The following MBNL3 variants were observed in gnomAD, a reference collection of about 807,000 sequenced individuals.
MBNL3 encodes the protein muscleblind-like protein 3.
MBNL3 carries 6 observed loss-of-function variants against 24.5 expected under a neutral mutation model. The observed-to-expected ratio is 0.25, with a 90% CI of 0.13 to 0.48. The LOEUF is 0.48. Ranked by LOEUF, MBNL3 falls within the 20% of genes least tolerant of loss-of-function variation. The pLI, the probability that MBNL3 is intolerant of heterozygous loss-of-function variation, is 0.99. For synonymous variants in MBNL3, 100 were observed against 101.7 expected, an observed-to-expected ratio of 0.98 and a Z score of 0.10; for missense variants, 230 against 293.5, an observed-to-expected ratio of 0.78 and a Z score of 1.58.
intron 2 of MBNL3, among the ~76,000 whole-genome samples, chrX:132,417,444 G>GA (rs1438536221): frequency 9.0e-6 from 1 of 111,249 alleles, no homozygotes; most frequent in Non-Finnish European, 1.9e-5. Context: ...CCCAAAACAA[G>GA]AAAAAAATAA....
chrX:132,396,784 T>TCATATATACATATATATATA (rs1162209036), intron 3 of MBNL3, among the ~76,000 whole-genome samples: 2 of 31,169 alleles, frequency 6.4e-5, no homozygotes, highest in East Asian at 1.5e-3. Context: ...ATATATATAT[T>TCATATATACATATATATATA]CATATATATA....
rs1933462538 is a variant in MBNL3 at position 132,369,886 on chromosome X, A to G, written c.*9780T>C. The G allele has an allele frequency of 1.8e-5, 2 of 112,057 alleles. No homozygotes were observed. 9.2% of individuals were successfully genotyped at this position (112,057 alleles called of 1,213,427 possible). A position where few individuals can be genotyped will look rare whatever the true frequency, so the allele number is the denominator to read the frequency against. ...CTGTGTTCTTTCCATGCACAACAGA[A>G]AAATGCTGGGCTGCACTGGCCAGAA... On this transcript the variant is annotated 3_prime_UTR_variant, in exon 9 of 9. Transcript: ENST00000370853.
intron 2 of MBNL3, among the ~76,000 whole-genome samples, chrX:132,415,073 A>C (rs1262784282): frequency 8.9e-6 from 1 of 112,010 alleles, no homozygotes; most frequent in East Asian, 2.8e-4. Flanking sequence ...TTCTGAAATA[A>C]GAACGTCAAG....
intron 1 of MBNL3, among the ~76,000 whole-genome samples, chrX:132,442,918 G>A (rs1945463743): frequency 8.9e-6 from 1 of 111,851 alleles, no homozygotes; most frequent in South Asian, 3.7e-4. Context: ...CGCAAAGATG[G>A]GGAGAAGTTC....
chrX:132,421,971 TTAAA>T (rs1421344908), intron 2 of MBNL3, among the ~76,000 whole-genome samples: 2 of 111,986 alleles, frequency 1.8e-5, no homozygotes, highest in African/African-American at 6.5e-5. Context: ...TAAATATCAT[TTAAA>T]TAAATTGGTA....
chrX:132,420,431 G>A (rs1482343076), intron 2 of MBNL3, among the ~76,000 whole-genome samples: 1 of 111,135 alleles, frequency 9.0e-6, no homozygotes, highest in Non-Finnish European at 1.9e-5. Context: ...GCAGTAGCAA[G>A]ATTTAATAGA....
chrX:132,432,679 T>C lies in MBNL3; in HGVS notation c.177+6756A>G, dbSNP rs1167690440. 3 of 111,966 alleles carry C rather than the reference T, an allele frequency of 2.7e-5. No homozygotes were observed. In the East Asian group the frequency reaches 8.3e-4, roughly 31 times the overall value. The allele number at this position is 111,966 out of a possible 1,213,427, so 9.2% of individuals were successfully genotyped here. ...GTAGCATGGATCAGTACTTTGTTCC[T>C]TTTTGTAGCTGAGTAATATTACATT... is the stretch of plus-strand genomic sequence containing the variant. On this transcript the variant is annotated intron_variant, in intron 2 of 8. Coordinates refer to ENST00000370853, the MANE Select transcript of MBNL3 (RefSeq NM_001386889.1).
In MBNL3 at chrX:132,374,350, G is replaced by T. The variant is rs889751883; in HGVS notation, c.*5316C>A. The stretch of plus-strand genomic sequence containing the variant: ...TTTATAGGGGGGATTAATTTAAAAA[G>T]CAAACAATCTTTGCTAATGATCTTG... On this transcript the variant is annotated 3_prime_UTR_variant, in exon 9 of 9. Coordinates refer to ENST00000370853, the MANE Select transcript of MBNL3 (RefSeq NM_001386889.1). 9.1e-6 allele frequency: 1 copy of T among 110,313 alleles called. No individual in the cohort carries two copies. Among genetic ancestry groups the T allele is most frequent in the African/African-American group, 3.3e-5 (1 of 30,327 alleles). The allele number at this position is 110,313 out of a possible 1,213,427, so 9.1% of individuals were successfully genotyped here.
chrX:132,395,511 G>C (rs1937997444), intron 3 of MBNL3, among the ~76,000 whole-genome samples: 1 of 111,438 alleles, frequency 9.0e-6, no homozygotes, highest in Admixed American at 9.6e-5. Flanking sequence ...CCCATAACCA[G>C]GTGTAAATTT....
At chrX:132,487,928 G>GT (rs1948092306) in intron 1 of MBNL3, among the ~76,000 whole-genome samples, 2 of 111,716 alleles carry the variant, frequency 1.8e-5, no homozygotes, top group African/African-American at 6.5e-5. Flanking sequence ...CCAACAATCT[G>GT]TTTTCCAAAC....
At chrX:132,393,673 TGTA>T (rs1937542805) in intron 3 of MBNL3, among the ~76,000 whole-genome samples, 1 of 111,515 alleles carries the variant, frequency 9.0e-6, no homozygotes, top group Admixed American at 9.6e-5. Flanking sequence ...CATGACTAAA[TGTA>T]GTATATTTCT....
At chrX:132,397,158 GGGGAAAT>G (rs1258844534) in intron 3 of MBNL3, among the ~76,000 whole-genome samples, 1 of 106,641 alleles carries the variant, frequency 9.4e-6, no homozygotes, top group Non-Finnish European at 1.9e-5. Flanking sequence ...GACTAAGAAT[GGGGAAAT>G]AGTAGTTGGA....
rs931591776 is a variant in MBNL3, at chrX:132,460,736, G to A, written c.-703-20422C>T. ...ACTTTTTATTTCAACAACCTTTGAG[G>A]TACAAGTGGTTTTTGGTTACATGGA... On this transcript the variant is annotated intron_variant, in intron 1 of 8. Coordinates refer to ENST00000370853, the MANE Select transcript of MBNL3 (RefSeq NM_001386889.1). Among the ~76,000 whole-genome samples, 4 of 110,966 alleles carry A rather than the reference G, an allele frequency of 3.6e-5. No individual in the cohort carries two copies. The Admixed American group carries it at 3.9e-4, about 11-fold the overall frequency.
chrX:132,398,458 A>G (rs1273195017), intron 3 of MBNL3, among the ~76,000 whole-genome samples: 4 of 111,775 alleles, frequency 3.6e-5, no homozygotes, highest in Non-Finnish European at 7.5e-5. Flanking sequence ...TTCTAGTAGG[A>G]AACAAAGATT....
intron 1 of MBNL3, among the ~76,000 whole-genome samples, chrX:132,455,068 C>T (rs1946305216): frequency 8.9e-6 from 1 of 111,950 alleles, no homozygotes; most frequent in Non-Finnish European, 1.9e-5. Context: ...TAGTCAATGT[C>T]CTTGTTAACA....
chrX:132,390,796 T>C (rs1383958937), intron 5 of MBNL3, 51 bp downstream of exon 5: 2 of 1,014,767 alleles, frequency 2.0e-6, no homozygotes, highest in Non-Finnish European at 2.8e-6. Flanking sequence ...AATTGAGGAA[T>C]ATACAAAGCA....
At chrX:132,386,948 G>T in intron 5 of MBNL3, 137 bp from the exon 6 acceptor site, 3 of 682,918 alleles carry the variant, frequency 4.4e-6, no homozygotes, top group Non-Finnish European at 6.5e-6. Context: ...ATAAGCAGTG[G>T]CCCCACAGCA....
chrX:132,428,202 G>A (rs1478168951), intron 2 of MBNL3, among the ~76,000 whole-genome samples: 2 of 111,158 alleles, frequency 1.8e-5, no homozygotes, highest in African/African-American at 6.5e-5. Context: ...TAACATATTA[G>A]ACATGACATT....
chrX:132,489,794 G>C (rs1403247953), upstream of MBNL3: 1 of 109,798 alleles, frequency 9.1e-6, no homozygotes, highest in Non-Finnish European at 1.9e-5. Context: ...CAGGTAGCGC[G>C]GCGCCGCCGC....
Sources: allele counts gnomAD v4.1 joint callset (sites outside exome capture counted in the v4.1 genomes callset), GRCh38; gene constraint gnomAD v4.1.1; transcripts MANE v1.5; gene names NCBI Gene and HGNC (gene_info 2026-07-23, HGNC 2026-07-21).